The following CFLAR variants were observed in gnomAD, a reference collection of about 807,000 sequenced individuals.
CFLAR encodes the protein CASP8 and FADD-like apoptosis regulator.
CFLAR carries 14 observed loss-of-function variants against 51.1 expected under a neutral mutation model. The ratio of observed to expected loss-of-function variants is 0.27; its 90% CI spans 0.18 to 0.43. CFLAR has a LOEUF of 0.43. Ranked by LOEUF, CFLAR falls within the 20% of genes least tolerant of loss-of-function variation. The probability of loss-of-function intolerance (pLI) is 1.00; values close to 1 mark genes in which losing one functional copy is unlikely to be tolerated. For missense variants in CFLAR, 390 were observed against 566.5 expected (o/e 0.69, Z 3.16); for synonymous variants, 210 against 211.6 (o/e 0.99, Z 0.06).
intron 4 of CFLAR, chr2:201,139,062 A>G: frequency 2.5e-6 from 1 of 404,252 alleles, no homozygotes; most frequent in Non-Finnish European, 4.8e-6. Context: ...AAGTAGACAT[A>G]GGAGACTCCA....
At chr2:201,127,343 G>A (rs1427291861) in intron 1 of CFLAR, among the ~76,000 whole-genome samples, 4 of 152,178 alleles carry the variant, frequency 2.6e-5, no homozygotes, top group Non-Finnish European at 5.9e-5. Flanking sequence ...ATGGGCACAA[G>A]TCTTTTACTG....
At chr2:201,126,358 G>T (rs1400849700) in intron 1 of CFLAR, among the ~76,000 whole-genome samples, 1 of 152,192 alleles carries the variant, frequency 6.6e-6, no homozygotes, top group African/African-American at 2.4e-5. Context: ...GAATTCCTGA[G>T]AACTGCGGAT....
intron 8 of CFLAR, among the ~76,000 whole-genome samples, chr2:201,158,798 A>G (rs558938848): frequency 6.6e-6 from 1 of 151,944 alleles, no homozygotes; most frequent in East Asian, 1.9e-4. Flanking sequence ...GCTGTGCAAA[A>G]TTACAGTCCT....
chr2:201,136,352 A>G (rs1193791163), intron 4 of CFLAR: 1 of 1,598,474 alleles, frequency 6.3e-7, no homozygotes, highest in South Asian at 1.1e-5. Flanking sequence ...TTAACATTTC[A>G]GTCTTCAAGA....
At chr2:201,142,883 G>A (rs1939268373) in intron 5 of CFLAR, 1 of 152,172 alleles carries the variant, frequency 6.6e-6, no homozygotes, top group Non-Finnish European at 1.5e-5. Flanking sequence ...ACAGACATGA[G>A]CCACTGCACT....
intron 8 of CFLAR, among the ~76,000 whole-genome samples, chr2:201,152,594 C>T (rs1941460895): frequency 6.6e-6 from 1 of 152,178 alleles, no homozygotes; most frequent in Admixed American, 6.5e-5. Flanking sequence ...AGTCTGATCT[C>T]AGACAAGTGA....
At position 201,173,035 on chromosome 2, in the gene CFLAR, T is replaced by A. The variant is rs1017047570; in HGVS notation, c.*9062T>A. 2.6e-5 allele frequency: 4 copies of A among 152,256 alleles called. No homozygotes were observed. The highest frequency in any genetic ancestry group is 1.3e-4 in the Admixed American group (2 of 15,286). The allele number at this position is 152,256 out of a possible 1,614,324, so 9.4% of individuals were successfully genotyped here. Reference sequence around the variant, plus strand: ...CACCAGCAGTGTATGAGGTTTTTTTTATTTTTTTGTTTTTGAGACGGAGTC... The same window carrying A: ...CACCAGCAGTGTATGAGGTTTTTTTAATTTTTTTGTTTTTGAGACGGAGTC... On this transcript the variant is annotated 3_prime_UTR_variant, in exon 10 of 10. Transcript: ENST00000309955.
At chr2:201,159,070 G>T (rs1025493826) in intron 8 of CFLAR, among the ~76,000 whole-genome samples, 1 of 151,652 alleles carries the variant, frequency 6.6e-6, no homozygotes, top group Admixed American at 6.6e-5. Context: ...TAGAGACGGG[G>T]TTTCACCATA....
rs1408381902 is a variant in CFLAR at position 201,168,340 on chromosome 2, T to A, written c.*4367T>A. On this transcript the variant is annotated 3_prime_UTR_variant, in exon 10 of 10. Transcript: ENST00000309955. Reference sequence around the variant, plus strand: ...TTCAACATACGCAAATCAAGAAACATAATTCATCACATAAACAGAACTAAA... The same window carrying A: ...TTCAACATACGCAAATCAAGAAACAAAATTCATCACATAAACAGAACTAAA... The A allele has an allele frequency of 6.6e-6, 1 of 152,176 alleles. No homozygotes were observed. The highest frequency in any genetic ancestry group is 2.4e-5 in the African/African-American group (1 of 41,428). The allele number at this position is 152,176 out of a possible 1,614,324, so 9.4% of individuals were successfully genotyped here.
chr2:201,140,171 G>T, intron 4 of CFLAR, 186 bp from the exon 5 acceptor site: 1 of 548,192 alleles, frequency 1.8e-6, no homozygotes, highest in Non-Finnish European at 2.9e-6. Flanking sequence ...GGGCCAGGGC[G>T]CCCTATACTC....
chr2:201,176,289 GGCGGGC>G lies in CFLAR; in HGVS notation c.*12318_*12323del, dbSNP rs1944170675. 2 of 114,818 alleles carry G rather than the reference GGCGGGC, an allele frequency of 1.7e-5. No individual in the cohort carries two copies. Among genetic ancestry groups the G allele is most frequent in the East Asian group, 5.8e-4 (2 of 3,474 alleles). The allele number at this position is 114,818 out of a possible 1,614,324, so 7.1% of individuals were successfully genotyped here. ...GGTGTTTTCTATTGCGGGGGGGGGG[GGCGGGC>G]GGGGGAGCTGCCTGTCCCTGGCACC... On this transcript the variant is annotated 3_prime_UTR_variant, in exon 10 of 10. Coordinates refer to ENST00000309955, the MANE Select transcript of CFLAR (RefSeq NM_003879.7).
In CFLAR at chr2:201,138,408, G is replaced by T; in HGVS notation, c.524-1949G>T. 1 of 787,338 alleles carries T rather than the reference G, an allele frequency of 1.3e-6. No homozygotes were observed. 48.8% of individuals were successfully genotyped at this position (787,338 alleles called of 1,614,324 possible). ...GCGGTGCAGGTGATAATGGCCACCA[G>T]CTCATCGCGATCATTGACGATAGGC... On this transcript the variant is annotated intron_variant, in intron 4 of 9. Coordinates refer to ENST00000309955, the MANE Select transcript of CFLAR (RefSeq NM_003879.7). This position sits in a 1 kb window ranked among gnomAD's most constrained non-coding sequence, Gnocchi z 4.0.
At chr2:201,161,139 T>G (rs1368020969) in intron 9 of CFLAR, among the ~76,000 whole-genome samples, 197 bp downstream of exon 9, 1 of 152,224 alleles carries the variant, frequency 6.6e-6, no homozygotes, top group Non-Finnish European at 1.5e-5. Flanking sequence ...AGTTAGTTTG[T>G]AGTTTGAATA....
intron 9 of CFLAR, chr2:201,162,542 TTC>T (rs1257641831): frequency 5.3e-6 from 1 of 188,138 alleles, no homozygotes; most frequent in Non-Finnish European, 1.2e-5. Context: ...TTTCTCTGCC[TTC>T]TCTTTCTCTG....
chr2:201,138,995 T>C lies in CFLAR; in HGVS notation c.524-1362T>C, dbSNP rs1426622729. 2 of 527,616 alleles carry C rather than the reference T, an allele frequency of 3.8e-6. No homozygotes were observed. The highest frequency in any genetic ancestry group is 3.8e-5 in the African/African-American group (2 of 52,604). The allele number at this position is 527,616 out of a possible 1,614,324, so 32.7% of individuals were successfully genotyped here. A position where few individuals can be genotyped will look rare whatever the true frequency, so the allele number is the denominator to read the frequency against. On this transcript the variant is annotated intron_variant, in intron 4 of 9. Transcript: ENST00000309955. This position sits in a 1 kb window ranked among gnomAD's most constrained non-coding sequence, Gnocchi z 4.0. ...TCCCTGGTCACTGGCGAAGAGCTGC[T>C]GCACGGTGTGGGGAAAAGAAAGAGA...
chr2:201,122,539 A>G (rs2048290338), intron 1 of CFLAR: 1 of 152,238 alleles, frequency 6.6e-6, no homozygotes, highest in Non-Finnish European at 1.5e-5. Flanking sequence ...GCCATTGTTT[A>G]CCACAGCCTA....
At chr2:201,136,419 G>T (rs1237871496) in intron 4 of CFLAR, 2 of 1,598,418 alleles carry the variant, frequency 1.3e-6, no homozygotes, top group Admixed American at 1.7e-5. Flanking sequence ...GGTTTTGCAT[G>T]TATGCTGAAC....
chr2:201,141,722 AT>A (rs1938937778), intron 5 of CFLAR: 1 of 914,976 alleles, frequency 1.1e-6, no homozygotes, highest in African/African-American at 1.8e-5. Context: ...ATAGTCACTT[AT>A]GGTTGTTGTG....
chr2:201,133,331 G>T lies in CFLAR; in HGVS notation c.387+197G>T, dbSNP rs140816628. On this transcript the variant is annotated intron_variant, in intron 3 of 9. Transcript: ENST00000309955. ...AGAAATAGGATTATAACATCTTCTGGTGTGGTCTTGGATGTTTCTTTCATC... is the reference window on the plus strand; with the variant it reads ...AGAAATAGGATTATAACATCTTCTGTTGTGGTCTTGGATGTTTCTTTCATC... Among the ~76,000 whole-genome samples, 6 of 152,288 alleles carry T rather than the reference G, an allele frequency of 3.9e-5. No homozygotes were observed. In the East Asian group the frequency reaches 1.2e-3, roughly 29 times the overall value.
Sources: gnomAD v4.1 joint callset for allele counts (sites outside exome capture counted in the v4.1 genomes callset) on GRCh38, gnomAD v4.1.1 for gene constraint, Gnocchi (gnomAD v3.1) non-coding constraint, MANE v1.5 for transcripts, NCBI Gene and HGNC (gene_info 2026-07-23, HGNC 2026-07-21) for gene names.